The following UBE2E2 variants were observed in gnomAD, a reference collection of about 807,000 sequenced individuals.
UBE2E2 encodes ubiquitin-conjugating enzyme E2 E2.
In UBE2E2, 6 loss-of-function variants were observed where a neutral mutation model predicts 24.7. That is an observed-to-expected ratio of 0.24 (90% CI 0.13 to 0.48). The LOEUF (loss-of-function observed/expected upper bound fraction) is 0.48, where lower values mean the gene tolerates loss of function less well. Among genes scored for constraint, UBE2E2 ranks in the 20% least tolerant of loss-of-function variants. UBE2E2 has a pLI of 0.99. For synonymous variants in UBE2E2, 104 were observed against 83.6 expected (o/e 1.24, Z -1.33); for missense variants, 169 against 245.0 (o/e 0.69, Z 2.07).
intron 5 of UBE2E2, among the ~76,000 whole-genome samples, chr3:23,562,300 G>A (rs2125505498): frequency 6.6e-6 from 1 of 152,146 alleles, no homozygotes; most frequent in Non-Finnish European, 1.5e-5. Context: ...TTTTGTCAAA[G>A]GCCTTTTCTG....
intron 3 of UBE2E2, among the ~76,000 whole-genome samples, chr3:23,429,063 T>C (rs955402901): frequency 3.3e-5 from 5 of 151,140 alleles, no homozygotes; most frequent in South Asian, 4.2e-4. Context: ...TCTTGAAAGA[T>C]ACAACCTGCC....
At chr3:23,481,279 C>T (rs1037711615) in intron 3 of UBE2E2, among the ~76,000 whole-genome samples, 1 of 152,186 alleles carries the variant, frequency 6.6e-6, no homozygotes, top group African/African-American at 2.4e-5. Flanking sequence ...TACTCTATCC[C>T]GTCCACCTGC....
At chr3:23,335,785 T>C (rs1695189723) in intron 3 of UBE2E2, among the ~76,000 whole-genome samples, 1 of 152,202 alleles carries the variant, frequency 6.6e-6, no homozygotes, top group Non-Finnish European at 1.5e-5. Context: ...TCTCCCACTT[T>C]GGCCTCCCAA....
At chr3:23,436,672 T>C (rs1163850289) in intron 3 of UBE2E2, among the ~76,000 whole-genome samples, 1 of 152,002 alleles carries the variant, frequency 6.6e-6, no homozygotes, top group Admixed American at 6.5e-5. Context: ...AAACAAAAAC[T>C]ATACTCCCTC....
At chr3:23,436,871 CAGTT>C (rs1309738734) in intron 3 of UBE2E2, among the ~76,000 whole-genome samples, 1 of 152,168 alleles carries the variant, frequency 6.6e-6, no homozygotes, top group Admixed American at 6.5e-5. Flanking sequence ...ATTTTTATCA[CAGTT>C]AGGGAATGTT....
chr3:23,207,215 A>G (rs1195010127), intron 1 of UBE2E2, among the ~76,000 whole-genome samples: 1 of 152,224 alleles, frequency 6.6e-6, no homozygotes, highest in African/African-American at 2.4e-5. Flanking sequence ...ATAGTCATCA[A>G]ACTCAGAAAT....
intron 3 of UBE2E2, among the ~76,000 whole-genome samples, chr3:23,441,717 A>G (rs1000416238): frequency 6.6e-6 from 1 of 152,176 alleles, no homozygotes; most frequent in Non-Finnish European, 1.5e-5. Context: ...TTTAAGTTAT[A>G]GCGTATTCAG....
At position 23,446,720 on chromosome 3, in the gene UBE2E2, T is replaced by TTTTTTTTTTTTTTTTTTTA. The variant is rs1553612084; in HGVS notation, c.228-52888_228-52887insTTTTTTTTTTTTTTTTTTA. ...TTTGGTTTTTTTTTTTTTTTTTTTT[T>TTTTTTTTTTTTTTTTTTTA]ATCCGTAGGGTCATAAAAGGTATAG... On this transcript the variant is annotated intron_variant, in intron 3 of 5. Transcript: ENST00000396703. Among the ~76,000 whole-genome samples, 2 of 145,258 alleles carry TTTTTTTTTTTTTTTTTTTA rather than the reference T, an allele frequency of 1.4e-5. 1 individual carries two copies.
At chr3:23,352,575 G>A (rs1451128212) in intron 3 of UBE2E2, among the ~76,000 whole-genome samples, 17 of 152,136 alleles carry the variant, frequency 1.1e-4, no homozygotes, top group East Asian at 5.8e-4. Context: ...CCACAGAAAT[G>A]CAAACTACCA....
At chr3:23,279,131 C>T (rs1698433829) in intron 3 of UBE2E2, among the ~76,000 whole-genome samples, 1 of 152,040 alleles carries the variant, frequency 6.6e-6, no homozygotes, top group Admixed American at 6.6e-5. Flanking sequence ...GGTTTTAAAA[C>T]AGTTGTCACT....
intron 4 of UBE2E2, among the ~76,000 whole-genome samples, chr3:23,529,227 C>T (rs1345040500): frequency 1.3e-5 from 2 of 152,068 alleles, no homozygotes; most frequent in African/African-American, 4.8e-5. Context: ...TGGTGGTATT[C>T]ACACAAATCT....
intron 3 of UBE2E2, among the ~76,000 whole-genome samples, chr3:23,291,405 T>C (rs138569254): frequency 6.6e-6 from 1 of 152,334 alleles, no homozygotes; most frequent in East Asian, 1.9e-4. Context: ...AAGAAATCTT[T>C]ATCTGTCTTT....
intron 3 of UBE2E2, among the ~76,000 whole-genome samples, chr3:23,316,282 C>T (rs577886301): frequency 1.3e-5 from 2 of 152,206 alleles, no homozygotes; most frequent in African/African-American, 4.8e-5. Context: ...TAGAAATTTA[C>T]CTGGTTCTCT....
intron 3 of UBE2E2, among the ~76,000 whole-genome samples, chr3:23,284,128 T>A (rs994659754): frequency 2.0e-5 from 3 of 152,118 alleles, no homozygotes; most frequent in African/African-American, 7.2e-5. Context: ...GATTTTTTTT[T>A]AACTACTAAA....
At chr3:23,560,537 G>C (rs528215915) in intron 5 of UBE2E2, among the ~76,000 whole-genome samples, 2 of 151,998 alleles carry the variant, frequency 1.3e-5, no homozygotes, top group South Asian at 4.2e-4. Context: ...ACGTGTGCAC[G>C]TGTCTTTATA....
chr3:23,229,122 C>T (rs1466578800), intron 3 of UBE2E2, among the ~76,000 whole-genome samples: 1 of 152,176 alleles, frequency 6.6e-6, no homozygotes, highest in East Asian at 1.9e-4. Flanking sequence ...TTTCAGGTAG[C>T]ATTCAGTTCA....
chr3:23,541,306 A>G (rs1695391924), intron 5 of UBE2E2, among the ~76,000 whole-genome samples: 1 of 152,252 alleles, frequency 6.6e-6, no homozygotes, highest in Non-Finnish European at 1.5e-5. Flanking sequence ...AGGTGCTATC[A>G]GTAACAACAC....
intron 3 of UBE2E2, among the ~76,000 whole-genome samples, chr3:23,252,016 C>A (rs1173387936): frequency 6.6e-6 from 1 of 152,142 alleles, no homozygotes; most frequent in East Asian, 1.9e-4. Flanking sequence ...GTGCTGTAAT[C>A]CAAGGGGGCA....
intron 3 of UBE2E2, among the ~76,000 whole-genome samples, chr3:23,259,947 A>T (rs1307177635): frequency 6.6e-6 from 1 of 152,206 alleles, no homozygotes; most frequent in Non-Finnish European, 1.5e-5. Context: ...TAAATATAGT[A>T]CTAGTCTGGA....
Sources: allele counts gnomAD v4.1 joint callset (sites outside exome capture counted in the v4.1 genomes callset), GRCh38; gene constraint gnomAD v4.1.1; transcripts MANE v1.5; gene names NCBI Gene and HGNC (gene_info 2026-07-23, HGNC 2026-07-21).